Variants in FAM20A observed in about 807,000 individuals in gnomAD.
The protein encoded by FAM20A is pseudokinase FAM20A.
A neutral mutation model predicts 52.0 loss-of-function variants in FAM20A; 42 were observed. The observed-to-expected ratio is 0.81, with a 90% CI of 0.63 to 1.04. The LOEUF (loss-of-function observed/expected upper bound fraction) is 1.04, where lower values mean the gene tolerates loss of function less well. Ranked by LOEUF, FAM20A falls within the 50% of genes least tolerant of loss-of-function variation. The pLI, the probability that FAM20A is intolerant of heterozygous loss-of-function variation, is 0.00. For missense variants in FAM20A, 742 were observed against 712.7 expected (o/e 1.04, Z -0.47); for synonymous variants, 304 against 298.9 (o/e 1.02, Z -0.18).
chr17:68,552,425 C>T (rs985701545), intron 3 of FAM20A, among the ~76,000 whole-genome samples: 1 of 152,050 alleles, frequency 6.6e-6, no homozygotes, highest in Admixed American at 6.5e-5. Context: ...TTGTTTATGC[C>T]TCTTTCTACT....
chr17:68,549,823 T>C (rs1409434512), intron 4 of FAM20A, among the ~76,000 whole-genome samples: 1 of 152,246 alleles, frequency 6.6e-6, no homozygotes, highest in African/African-American at 2.4e-5. Context: ...CTCTGCTAAT[T>C]GCCATGTGTA....
intron 1 of FAM20A, among the ~76,000 whole-genome samples, chr17:68,573,352 T>C (rs1313291830): frequency 6.6e-6 from 1 of 152,250 alleles, no homozygotes; most frequent in East Asian, 1.9e-4. Flanking sequence ...TCTTAGCCTG[T>C]TTTTTGTTGC....
chr17:68,552,665 C>CTT lies in FAM20A; in HGVS notation c.641-715_641-714insAA, dbSNP rs1568739140. On this transcript the variant is annotated intron_variant, in intron 3 of 10. Transcript: ENST00000592554. ...CTGGAGCCCTGTAAACCTTTATTTT[C>CTT]CTTTTTTTTTTTTTTTTTTTTTTTT... Among the ~76,000 whole-genome samples, 44 of 109,994 alleles carry CTT rather than the reference C, an allele frequency of 4.0e-4. 3 individuals carry two copies. Among genetic ancestry groups the CTT allele is most frequent in the African/African-American group, 1.3e-3 (39 of 30,998 alleles). 72.2% of individuals were successfully genotyped at this position (109,994 alleles called of 152,430 possible).
chr17:68,593,418 A>G (rs895096611), intron 1 of FAM20A, among the ~76,000 whole-genome samples: 6 of 152,246 alleles, frequency 3.9e-5, no homozygotes, highest in African/African-American at 1.4e-4. Context: ...AAGCTGAAGA[A>G]ATTCCCTCTT....
chr17:68,559,500 C>G (rs1333626531), intron 1 of FAM20A, among the ~76,000 whole-genome samples: 4 of 152,186 alleles, frequency 2.6e-5, no homozygotes, highest in Admixed American at 6.5e-5. Context: ...ACCTTAGTTA[C>G]AAATCACATG....
chr17:68,554,886 A>G, intron 2 of FAM20A, 59 bp from the exon 3 acceptor site: 1 of 1,556,056 alleles, frequency 6.4e-7, no homozygotes, highest in Non-Finnish European at 8.9e-7. Flanking sequence ...AGAGCCTACA[A>G]CATGGAGGTC....
At chr17:68,594,712 A>G (rs996205452) in intron 1 of FAM20A, among the ~76,000 whole-genome samples, 5 of 152,116 alleles carry the variant, frequency 3.3e-5, no homozygotes, top group African/African-American at 1.2e-4. Context: ...GCTGGGGCTA[A>G]TCTTAGCCTA....
At chr17:68,540,153 G>A (rs76440969) in intron 8 of FAM20A, among the ~76,000 whole-genome samples, 187 bp from the exon 9 acceptor site, 1 of 152,142 alleles carries the variant, frequency 6.6e-6, no homozygotes, top group Non-Finnish European at 1.5e-5. Context: ...AGAAGGAAGC[G>A]AAACAAGCAA....
intron 1 of FAM20A, among the ~76,000 whole-genome samples, chr17:68,599,853 T>A (rs1168885506): frequency 6.6e-6 from 1 of 152,184 alleles, no homozygotes; most frequent in Non-Finnish European, 1.5e-5. Flanking sequence ...GGAGTCACCC[T>A]GTTTGGGGCC....
rs1175362157 is a variant in FAM20A, at chr17:68,537,808, T to C, written c.1362-67A>G. ...AGAAAATAACTTGCCTGAACTTCTT[T>C]CCCCACAAACAGCTGTTGTAGCTGA... On this transcript the variant is annotated intron_variant, in intron 10 of 10. Transcript: ENST00000592554. The surrounding 1 kb of genome is among the most constrained non-coding windows in gnomAD (Gnocchi z 4.2). 5 of 1,535,606 alleles carry C rather than the reference T, an allele frequency of 3.3e-6. No homozygotes were observed. The African/African-American group carries it at 5.5e-5, about 17-fold the overall frequency.
At chr17:68,585,584 A>G (rs887696748) in intron 1 of FAM20A, among the ~76,000 whole-genome samples, 2 of 152,086 alleles carry the variant, frequency 1.3e-5, no homozygotes, top group Non-Finnish European at 2.9e-5. Context: ...GTGTTTCTGA[A>G]AGTTTTATCC....
intron 1 of FAM20A, chr17:68,598,126 C>T (rs1427797902): frequency 1.3e-5 from 2 of 151,724 alleles, no homozygotes; most frequent in Admixed American, 6.6e-5. Context: ...GTCTCAGTCC[C>T]TCAAGTGACT....
rs563766278 is a variant in FAM20A, at chr17:68,598,607, T to G, written c.404+1656A>C. ...ATTTCTGGTCAGAAAGTATGTGTGT[T>G]TTTGCGAGTTTTTTTTGTCTTTGTT... is the stretch of plus-strand genomic sequence containing the variant. On this transcript the variant is annotated intron_variant, in intron 1 of 10. Coordinates refer to ENST00000592554, the MANE Select transcript of FAM20A (RefSeq NM_017565.4). 7.2e-5 allele frequency among the ~76,000 whole-genome samples: 11 copies of G among 152,310 alleles called. No individual in the cohort carries two copies. The South Asian group carries it at 1.0e-3, about 14-fold the overall frequency.
intron 6 of FAM20A, 79 bp downstream of exon 6, chr17:68,542,615 G>T: frequency 9.3e-7 from 1 of 1,076,010 alleles, no homozygotes; most frequent in Non-Finnish European, 1.4e-6. Context: ...AGGGTGTCAG[G>T]CCACTGATGA....
intron 1 of FAM20A, among the ~76,000 whole-genome samples, chr17:68,595,239 A>G (rs532986001): frequency 1.3e-5 from 2 of 152,346 alleles, no homozygotes; most frequent in South Asian, 2.1e-4. Flanking sequence ...TCTCAGCTGA[A>G]GGGCTTCATT....
In FAM20A at chr17:68,539,977, G is replaced by C; in HGVS notation, c.1220-11C>G. On this transcript the variant is annotated splice_polypyrimidine_tract_variant and intron_variant, in intron 8 of 10. Coordinates refer to ENST00000592554, the MANE Select transcript of FAM20A (RefSeq NM_017565.4). Reference sequence around the variant, plus strand: ...GCCGGTCCATATTCCCTGTGAAGGAGGGGAGGACTTAGCTGGAACCAGCAG... The same window carrying C: ...GCCGGTCCATATTCCCTGTGAAGGACGGGAGGACTTAGCTGGAACCAGCAG... The C allele has an allele frequency of 4.3e-6, 7 of 1,613,712 alleles. No individual in the cohort carries two copies. Among genetic ancestry groups the C allele is most frequent in the Non-Finnish European group, 5.9e-6 (7 of 1,179,662 alleles).
chr17:68,562,545 G>A (rs2087244154), intron 1 of FAM20A, among the ~76,000 whole-genome samples: 1 of 152,050 alleles, frequency 6.6e-6, no homozygotes, highest in South Asian at 2.1e-4. Context: ...AAATTACACT[G>A]CAAGTTGTTT....
intron 1 of FAM20A, among the ~76,000 whole-genome samples, chr17:68,581,350 TTTTCTTTCTTTCTTTCTTTCTTTCTTTC>T (rs71144603): frequency 7.0e-4 from 65 of 92,278 alleles, no homozygotes; most frequent in African/African-American, 2.7e-3. Context: ...GAAATGCAGT[TTTTCTTTCTTTCTTTCTTTCTTTCTTTC>T]TTTCTTTCTT....
intron 1 of FAM20A, among the ~76,000 whole-genome samples, chr17:68,568,431 G>A (rs1293508442): frequency 1.3e-5 from 2 of 151,776 alleles, no homozygotes; most frequent in Middle Eastern, 3.4e-3. Flanking sequence ...TCGCGTCACT[G>A]CACTCCAGCC....
Sources: allele counts gnomAD v4.1 joint callset (sites outside exome capture counted in the v4.1 genomes callset), GRCh38; gene constraint gnomAD v4.1.1; non-coding constraint Gnocchi (gnomAD v3.1); transcripts MANE v1.5; gene names NCBI Gene and HGNC (gene_info 2026-07-23, HGNC 2026-07-21).